Variants in DIAPH2 observed in about 807,000 individuals in gnomAD.
DIAPH2 encodes protein diaphanous homolog 2.
In DIAPH2, 35 loss-of-function variants were observed where a neutral mutation model predicts 92.7. The ratio of observed to expected loss-of-function variants is 0.38; its 90% CI spans 0.29 to 0.50. The LOEUF is 0.50. Ranked by LOEUF, DIAPH2 falls within the 20% of genes least tolerant of loss-of-function variation. The probability of loss-of-function intolerance (pLI) is 0.94; values close to 1 mark genes in which losing one functional copy is unlikely to be tolerated. For missense variants in DIAPH2, 701 were observed against 819.5 expected (o/e 0.86, Z 1.77); for synonymous variants, 301 against 280.4 (o/e 1.07, Z -0.73).
At chrX:97,453,957 C>T (rs910553991) in intron 26 of DIAPH2, 1 of 111,869 alleles carries the variant, frequency 8.9e-6, no homozygotes, top group African/African-American at 3.3e-5. Context: ...TGAAAGTCCA[C>T]TCTTCCAGCA....
chrX:97,492,989 C>T (rs1428997213), intron 26 of DIAPH2, among the ~76,000 whole-genome samples: 3 of 112,416 alleles, frequency 2.7e-5, no homozygotes, highest in Non-Finnish European at 5.6e-5. Flanking sequence ...TTTCCCCTGA[C>T]TATCTCTCTT....
At chrX:96,732,645 A>G (rs1021905479) in intron 1 of DIAPH2, among the ~76,000 whole-genome samples, 1 of 112,038 alleles carries the variant, frequency 8.9e-6, no homozygotes, top group Non-Finnish European at 1.9e-5. Context: ...ATAATTTCCT[A>G]TGTGCCTTCG....
chrX:96,719,304 C>T (rs1411459659), intron 1 of DIAPH2, among the ~76,000 whole-genome samples: 1 of 111,730 alleles, frequency 9.0e-6, no homozygotes, highest in Non-Finnish European at 1.9e-5. Flanking sequence ...TCTTATGTGT[C>T]CATTTTTGGT....
At chrX:97,367,795 C>T (rs1242011037) in intron 24 of DIAPH2, among the ~76,000 whole-genome samples, 1 of 109,184 alleles carries the variant, frequency 9.2e-6, no homozygotes, top group Non-Finnish European at 1.9e-5. Context: ...CTCTGCCTCC[C>T]AGGTTCAAGT....
intron 13 of DIAPH2, among the ~76,000 whole-genome samples, chrX:96,942,733 G>A (rs2065712893): frequency 9.0e-6 from 1 of 111,259 alleles, no homozygotes; most frequent in African/African-American, 3.3e-5. Context: ...GTACTTTTCA[G>A]AACAACCTCT....
Position 96,871,732 on chromosome X carries a change from A to G in DIAPH2, c.448-9847A>G, listed in dbSNP as rs368582693. On this transcript the variant is annotated intron_variant, in intron 4 of 26. Coordinates refer to ENST00000324765, the MANE Select transcript of DIAPH2 (RefSeq NM_006729.5). ...AAAATGTACTTATAAAATTGTTTTT[A>G]AAAATTATGACACATTCCAGAGACA... Among the ~76,000 whole-genome samples the G allele has an allele frequency of 5.4e-5, 6 of 112,137 alleles. No homozygotes were observed. The East Asian group carries it at 1.1e-3, about 21-fold the overall frequency.
In DIAPH2 at chrX:97,601,478, A is replaced by C. The variant is rs1019098545; in HGVS notation, c.*2161A>C. The C allele has an allele frequency of 1.8e-5, 2 of 111,284 alleles. No individual in the cohort carries two copies. The highest frequency in any genetic ancestry group is 6.6e-5 in the African/African-American group (2 of 30,533). 9.2% of individuals were successfully genotyped at this position (111,284 alleles called of 1,213,427 possible). A position where few individuals can be genotyped will look rare whatever the true frequency, so the allele number is the denominator to read the frequency against. On this transcript the variant is annotated 3_prime_UTR_variant, in exon 27 of 27. Coordinates refer to ENST00000324765, the MANE Select transcript of DIAPH2 (RefSeq NM_006729.5). ...AAAAACCTTTCAGGGTCTTTCATGAAGTTCCAATAGTTGAGTGAGTTAAAA... is the reference window on the plus strand; with the variant it reads ...AAAAACCTTTCAGGGTCTTTCATGACGTTCCAATAGTTGAGTGAGTTAAAA...
intron 4 of DIAPH2, among the ~76,000 whole-genome samples, chrX:96,864,514 A>G (rs1280005883): frequency 8.9e-6 from 1 of 111,895 alleles, no homozygotes; most frequent in Non-Finnish European, 1.9e-5. Flanking sequence ...AATTAAACAA[A>G]GAATATTATT....
rs1362555403 is a variant in DIAPH2 at position 97,545,946 on chromosome X, G to A, written c.3242-53307G>A. Among the ~76,000 whole-genome samples, 5 of 110,666 alleles carry A rather than the reference G, an allele frequency of 4.5e-5. 1 individual carries two copies. The Admixed American group carries it at 4.8e-4, about 11-fold the overall frequency. ...CCCCACTTTTAACTGAGTTAAAATG[G>A]AAGGGTATAGTTCTTTCTCAGTGGT... On this transcript the variant is annotated intron_variant, in intron 26 of 26. Coordinates refer to ENST00000324765, the MANE Select transcript of DIAPH2 (RefSeq NM_006729.5).
intron 26 of DIAPH2, among the ~76,000 whole-genome samples, chrX:97,457,277 A>C (rs986569573): frequency 2.7e-5 from 3 of 112,301 alleles, no homozygotes; most frequent in Non-Finnish European, 3.8e-5. Flanking sequence ...CCTCTCCCAA[A>C]GTGCTGGAAT....
At chrX:96,726,648 G>T (rs188113159) in intron 1 of DIAPH2, among the ~76,000 whole-genome samples, 1 of 112,289 alleles carries the variant, frequency 8.9e-6, no homozygotes, top group East Asian at 2.8e-4. Flanking sequence ...GTTGCACACA[G>T]ATTTCAGAAT....
chrX:96,848,547 C>T (rs2064987241), intron 4 of DIAPH2, among the ~76,000 whole-genome samples: 1 of 112,024 alleles, frequency 8.9e-6, no homozygotes, highest in African/African-American at 3.2e-5. Flanking sequence ...TCATGTAGAT[C>T]TTGTGGGCAT....
chrX:97,427,576 CT>C (rs1355263849), intron 25 of DIAPH2, among the ~76,000 whole-genome samples: 2 of 112,080 alleles, frequency 1.8e-5, no homozygotes, highest in Non-Finnish European at 1.9e-5. Context: ...ACCAAACTAC[CT>C]TCAGGTCTTT....
At chrX:97,324,518 T>A (rs761129094) in intron 23 of DIAPH2, among the ~76,000 whole-genome samples, 33 of 112,199 alleles carry the variant, frequency 2.9e-4, no homozygotes, top group Non-Finnish European at 5.4e-4. Flanking sequence ...ATCTCATGCG[T>A]TTTTGTTTTT....
At chrX:97,089,871 G>C (rs748518443) in intron 19 of DIAPH2, among the ~76,000 whole-genome samples, 1 of 110,557 alleles carries the variant, frequency 9.0e-6, no homozygotes. Flanking sequence ...GGGACTACAG[G>C]TGCCCGCCAC....
intron 26 of DIAPH2, chrX:97,528,922 A>G (rs2071041966): frequency 9.1e-6 from 1 of 110,275 alleles, no homozygotes; most frequent in African/African-American, 3.3e-5. Context: ...AAATATATAT[A>G]TATATGCTGG....
intron 17 of DIAPH2, among the ~76,000 whole-genome samples, chrX:97,040,463 A>C (rs2066441142): frequency 9.0e-6 from 1 of 110,820 alleles, no homozygotes; most frequent in African/African-American, 3.3e-5. Flanking sequence ...GTTGCATTGA[A>C]TATACTTTGA....
rs763380540 is a variant in DIAPH2 at position 96,945,601 on chromosome X, T to G, written c.1509+10T>G. On this transcript the variant is annotated intron_variant, in intron 14 of 26. Transcript: ENST00000324765. Reference sequence around the variant, plus strand: ...AGAGTTTTCAAAGAAGGTAAGCTTATAAAATATTAGCCATAATCGTTAGGT... The same window carrying G: ...AGAGTTTTCAAAGAAGGTAAGCTTAGAAAATATTAGCCATAATCGTTAGGT... 34 of 1,115,489 alleles carry G rather than the reference T, an allele frequency of 3.0e-5. No individual in the cohort carries two copies. The highest frequency in any genetic ancestry group is 3.9e-5 in the Non-Finnish European group (33 of 844,000). The allele number at this position is 1,115,489 out of a possible 1,213,427, so 91.9% of individuals were successfully genotyped here.
chrX:96,940,638 A>C (rs1281164891), intron 12 of DIAPH2, among the ~76,000 whole-genome samples: 1 of 112,330 alleles, frequency 8.9e-6, no homozygotes, highest in African/African-American at 3.2e-5. Context: ...AGACCAGTAC[A>C]GTAATTTGTT....
Sources: gnomAD v4.1 joint callset for allele counts (sites outside exome capture counted in the v4.1 genomes callset) on GRCh38, gnomAD v4.1.1 for gene constraint, MANE v1.5 for transcripts, NCBI Gene and HGNC (gene_info 2026-07-23, HGNC 2026-07-21) for gene names.